The following MGAT5 variants were observed in gnomAD, a reference collection of about 807,000 sequenced individuals.
MGAT5 encodes the protein alpha-1,6-mannosylglycoprotein 6-beta-N-acetylglucosaminyltransferase, also known as alpha-1,6-mannosylglycoprotein 6-beta-N-acetylglucosaminyltransferase A.
Under a neutral mutation model 94.3 loss-of-function variants are expected in MGAT5, and 30 were observed. The observed-to-expected ratio is 0.32, with a 90% CI of 0.24 to 0.43. MGAT5 has a LOEUF of 0.43. Ranked by LOEUF, MGAT5 falls within the 20% of genes least tolerant of loss-of-function variation. The pLI is 1.00. For missense variants in MGAT5, 691 were observed against 905.5 expected, an observed-to-expected ratio of 0.76 and a Z score of 3.04; for synonymous variants, 310 against 322.9, an observed-to-expected ratio of 0.96 and a Z score of 0.43.
At chr2:134,291,597 G>A (rs947179638) in intron 2 of MGAT5, among the ~76,000 whole-genome samples, 13 of 152,180 alleles carry the variant, frequency 8.5e-5, no homozygotes, top group Non-Finnish European at 1.6e-4. Flanking sequence ...ACAGCAGGGA[G>A]AGAGTCCAGG....
intron 1 of MGAT5, among the ~76,000 whole-genome samples, chr2:134,146,025 C>G (rs148616649): frequency 1.8e-3 from 273 of 152,270 alleles, no homozygotes; most frequent in Non-Finnish European, 2.7e-3. Flanking sequence ...TGTGATCTCT[C>G]TCATGAGTTC....
chr2:134,406,853 T>A (rs1683369773), intron 11 of MGAT5, among the ~76,000 whole-genome samples: 1 of 152,136 alleles, frequency 6.6e-6, no homozygotes, highest in Admixed American at 6.5e-5. Context: ...TGAGGACACC[T>A]GCACTCCAGC....
intron 1 of MGAT5, among the ~76,000 whole-genome samples, chr2:134,248,707 G>T (rs1227400360): frequency 2.6e-5 from 4 of 151,752 alleles, no homozygotes; most frequent in African/African-American, 9.7e-5. Flanking sequence ...TGAATGTGGC[G>T]CATGGGATGG....
chr2:134,389,485 G>A (rs971103009), intron 10 of MGAT5, among the ~76,000 whole-genome samples: 15 of 152,120 alleles, frequency 9.9e-5, no homozygotes, highest in African/African-American at 3.6e-4. Context: ...GTGGCGTTTA[G>A]CCTCAGCCTC....
rs535777614 is a variant in MGAT5, at chr2:134,440,545, C to T, written c.1870-1213C>T. On this transcript the variant is annotated intron_variant, in intron 14 of 15. Transcript: ENST00000281923. Reference sequence around the variant, plus strand: ...CCATGTCCTGTCCAGGGCTGCTTCCCGTCTGGCACCCTGAGCTGCTGGGAT... The same window carrying T: ...CCATGTCCTGTCCAGGGCTGCTTCCTGTCTGGCACCCTGAGCTGCTGGGAT... Among the ~76,000 whole-genome samples the T allele has an allele frequency of 1.8e-4, 27 of 152,328 alleles. No homozygotes were observed. The South Asian group carries it at 5.4e-3, about 30-fold the overall frequency.
At chr2:134,224,860 C>T (rs540453765) in intron 1 of MGAT5, among the ~76,000 whole-genome samples, 6 of 152,166 alleles carry the variant, frequency 3.9e-5, no homozygotes, top group Non-Finnish European at 8.8e-5. Context: ...GGGAGGATCA[C>T]TTAAGCCCAG....
Position 134,385,030 on chromosome 2 carries a change from T to C in MGAT5, c.1381-17958T>C, listed in dbSNP as rs557227824. Among the ~76,000 whole-genome samples, 8 of 152,308 alleles carry C rather than the reference T, an allele frequency of 5.3e-5. No homozygotes were observed. In the East Asian group the frequency reaches 1.3e-3, roughly 26 times the overall value. Reference sequence around the variant, plus strand: ...AGAGCCATGGCTACACATACTGGGCTGGAAACTAGTCATGGTATACAGTAC... The same window carrying C: ...AGAGCCATGGCTACACATACTGGGCCGGAAACTAGTCATGGTATACAGTAC... On this transcript the variant is annotated intron_variant, in intron 10 of 15. Transcript: ENST00000281923.
In MGAT5 at chr2:134,189,602, G is replaced by GTTGTTTTTTTTTTTTTTTTTTTT. The variant is rs1689232395; in HGVS notation, c.-142-64658_-142-64657insGTTTTTTTTTTTTTTTTTTTTTT. Among the ~76,000 whole-genome samples the GTTGTTTTTTTTTTTTTTTTTTTT allele has an allele frequency of 9.8e-4, 83 of 84,636 alleles. 5 individuals are homozygous for GTTGTTTTTTTTTTTTTTTTTTTT. The highest frequency in any genetic ancestry group is 3.8e-3 in the African/African-American group (79 of 20,982). The allele number at this position is 84,636 out of a possible 152,430, so 55.5% of individuals were successfully genotyped here. On this transcript the variant is annotated intron_variant, in intron 1 of 16. Coordinates refer to the MGAT5 transcript ENST00000409645. ...AACCTCATGGCTCTAGTTTTTTTTT[G>GTTGTTTTTTTTTTTTTTTTTTTT]TTTTTTTTTTTTTTTTTTAAGACAG...
At chr2:134,259,878 A>G (rs1683210128) in intron 1 of MGAT5, among the ~76,000 whole-genome samples, 1 of 152,192 alleles carries the variant, frequency 6.6e-6, no homozygotes, top group Admixed American at 6.5e-5. Flanking sequence ...AAGCAAGAGA[A>G]AGTCAGATAG....
At chr2:134,331,672 A>G (rs1292588818) in intron 4 of MGAT5, among the ~76,000 whole-genome samples, 2 of 152,006 alleles carry the variant, frequency 1.3e-5, no homozygotes, top group Non-Finnish European at 2.9e-5. Context: ...CTGAGGGGAA[A>G]TATAAAATCA....
intron 1 of MGAT5, among the ~76,000 whole-genome samples, chr2:134,180,790 G>C (rs539425783): frequency 1.3e-5 from 2 of 152,140 alleles, no homozygotes; most frequent in Admixed American, 1.3e-4. Context: ...TTTCTTTAGG[G>C]GCCAGGAGTT....
intron 8 of MGAT5, among the ~76,000 whole-genome samples, chr2:134,347,463 A>G (rs1688988025): frequency 6.6e-6 from 1 of 152,204 alleles, no homozygotes; most frequent in African/African-American, 2.4e-5. Context: ...GCCCAAATCA[A>G]AAATAACAAT....
intron 1 of MGAT5, among the ~76,000 whole-genome samples, chr2:134,120,790 G>A (rs1252658307): frequency 1.3e-5 from 2 of 151,940 alleles, no homozygotes; most frequent in Non-Finnish European, 2.9e-5. Context: ...CAGTGGGGAG[G>A]AAGGAAGAAG....
intron 11 of MGAT5, among the ~76,000 whole-genome samples, chr2:134,404,191 T>C (rs1683215164): frequency 6.6e-6 from 1 of 152,222 alleles, no homozygotes; most frequent in South Asian, 2.1e-4. Context: ...TCTTGTGGTA[T>C]GTCCTAAGCA....
chr2:134,262,986 G>A (rs961816429), intron 1 of MGAT5, among the ~76,000 whole-genome samples: 2 of 152,174 alleles, frequency 1.3e-5, no homozygotes, highest in Non-Finnish European at 2.9e-5. Context: ...TTCTTCTGTG[G>A]GCTGTAAGAT....
At chr2:134,258,751 A>G (rs568246217) in intron 1 of MGAT5, among the ~76,000 whole-genome samples, 36 of 152,268 alleles carry the variant, frequency 2.4e-4, no homozygotes, top group Admixed American at 2.0e-3. Flanking sequence ...TGGCAGGTCG[A>G]GAGTTGTAGT....
At chr2:134,272,287 A>G (rs764748298) in intron 2 of MGAT5, among the ~76,000 whole-genome samples, 2 of 152,172 alleles carry the variant, frequency 1.3e-5, no homozygotes, top group Non-Finnish European at 2.9e-5. Flanking sequence ...CTCTAAGCCA[A>G]TGGCTCTGAG....
At chr2:134,218,512 T>C (rs1680605033) in intron 1 of MGAT5, among the ~76,000 whole-genome samples, 1 of 152,104 alleles carries the variant, frequency 6.6e-6, no homozygotes, top group African/African-American at 2.4e-5. Flanking sequence ...GGCTTTCTTA[T>C]GTATTTGAGG....
intron 1 of MGAT5, among the ~76,000 whole-genome samples, chr2:134,219,989 C>T (rs1394929997): frequency 6.6e-6 from 1 of 152,118 alleles, no homozygotes. Flanking sequence ...CTTGGCACAG[C>T]ATAAATACTA....
Sources: allele counts gnomAD v4.1 joint callset (sites outside exome capture counted in the v4.1 genomes callset), GRCh38; gene constraint gnomAD v4.1.1; transcripts MANE v1.5; gene names NCBI Gene and HGNC (gene_info 2026-07-23, HGNC 2026-07-21).